Variants in VASP observed in about 807,000 individuals in gnomAD.
VASP encodes vasodilator stimulated phosphoprotein, also known as vasodilator-stimulated phosphoprotein.
In VASP, 27 loss-of-function variants were observed where a neutral mutation model predicts 54.4. That is an observed-to-expected ratio of 0.50 (90% CI 0.37 to 0.68). VASP has a LOEUF of 0.68. Ranked by LOEUF, VASP falls within the 30% of genes least tolerant of loss-of-function variation. VASP has a pLI of 0.00. For missense variants in VASP, 488 were observed against 528.3 expected (o/e 0.92, Z 0.75); for synonymous variants, 233 against 209.8 (o/e 1.11, Z -0.96).
At position 45,512,744 on chromosome 19, in the gene VASP, C is replaced by T. The variant is rs374779488; in HGVS notation, c.6-4919C>T. The stretch of plus-strand genomic sequence containing the variant: ...CCTCCCAAGTAGCTGGGATTACAGG[C>T]GCCCGCCACCACGCCTGGCTAATTT... On this transcript the variant is annotated intron_variant, in intron 1 of 12. Transcript: ENST00000245932. Among the ~76,000 whole-genome samples, 25 of 152,146 alleles carry T rather than the reference C, an allele frequency of 1.6e-4. No homozygotes were observed. In the East Asian group the frequency reaches 2.7e-3, roughly 16 times the overall value.
intron 1 of VASP, among the ~76,000 whole-genome samples, chr19:45,509,391 AC>A (rs58324993): frequency 1.5e-5 from 2 of 132,510 alleles, no homozygotes; most frequent in East Asian, 2.1e-4. Flanking sequence ...CCGCCCCTCC[AC>A]CCCCCCTCGC....
Position 45,517,741 on chromosome 19 carries a change from G to A in VASP, c.84G>A (p.Thr28=), listed in dbSNP as rs373932046. The A allele has an allele frequency of 5.4e-5, 87 of 1,613,246 alleles. No homozygotes were observed. The highest frequency in any genetic ancestry group is 2.3e-4 in the Admixed American group (14 of 59,994). Reference sequence around the variant, plus strand: ...ACAAGCGATGGCTCCCTGCTGGCACGGGTCCCCAGGCCTTCAGCCGCGTCC... The same window carrying A: ...ACAAGCGATGGCTCCCTGCTGGCACAGGTCCCCAGGCCTTCAGCCGCGTCC... ...DGNKRWLPAG[T]GPQAFSRVQI... Residue 28 remains threonine (T), a synonymous_variant, in exon 2 of 13, where the codon ACG becomes ACA. Coordinates refer to ENST00000245932, the MANE Select transcript of VASP (RefSeq NM_003370.4).
At chr19:45,520,502 A>C (rs1205172785) in intron 3 of VASP, among the ~76,000 whole-genome samples, 2 of 152,220 alleles carry the variant, frequency 1.3e-5, no homozygotes, top group East Asian at 3.8e-4. Flanking sequence ...ACACAGAAAA[A>C]TACAGTGGGC....
intron 1 of VASP, among the ~76,000 whole-genome samples, chr19:45,516,547 T>C (rs1240519561): frequency 6.6e-6 from 1 of 152,194 alleles, no homozygotes; most frequent in African/African-American, 2.4e-5. Context: ...GGCCTCCTTC[T>C]GGCCCCTCTG....
Position 45,517,684 on chromosome 19 carries a change from C to T in VASP, c.27C>T (p.Ser9=). The part of the protein sequence containing the change: MSETVICS[S]RATVMLYDDG... ...GCAGCGAGACGGTCATCTGTTCCAG[C>T]CGGGCCACTGTGATGCTTTATGATG... is the stretch of plus-strand genomic sequence containing the variant. The change falls in exon 2 of 13, where the codon AGC becomes AGT. Residue 9 remains serine (S), a synonymous_variant. Transcript: ENST00000245932. The T allele has an allele frequency of 6.2e-7, 1 of 1,610,346 alleles. No homozygotes were observed. The highest frequency in any genetic ancestry group is 8.5e-7 in the Non-Finnish European group (1 of 1,179,948).
chr19:45,517,595 TG>T, intron 1 of VASP, 67 bp from the exon 2 acceptor site: 1 of 1,554,816 alleles, frequency 6.4e-7, no homozygotes, highest in South Asian at 1.2e-5. Context: ...CTTTGTCCCT[TG>T]GAATCTCCCA....
Position 45,526,305 on chromosome 19 carries a change from C to A in VASP, c.*128C>A. On this transcript the variant is annotated 3_prime_UTR_variant, in exon 13 of 13. Coordinates refer to ENST00000245932, the MANE Select transcript of VASP (RefSeq NM_003370.4). ...GAATGCATCGTTCCCACTCCCCATC[C>A]CACTTGGAAAACTCCAAGGGGGTGT... The A allele has an allele frequency of 8.3e-7, 1 of 1,203,348 alleles. No homozygotes were observed. The highest frequency in any genetic ancestry group is 1.1e-6 in the Non-Finnish European group (1 of 891,072). The allele number at this position is 1,203,348 out of a possible 1,614,324, so 74.5% of individuals were successfully genotyped here.
chr19:45,525,604 A>C (rs1968943293), intron 11 of VASP, among the ~76,000 whole-genome samples: 1 of 152,158 alleles, frequency 6.6e-6, no homozygotes, highest in African/African-American at 2.4e-5. Flanking sequence ...CGGCTGAGGC[A>C]GGAGAATCGC....
Position 45,524,523 on chromosome 19 carries a change from C to T in VASP, c.957-47C>T, listed in dbSNP as rs777166512. ...TGGAATAGGAGGCGGGGAAGCAGGT[C>T]CTCTCTCTAATCTCATTGCTGTCCC... On this transcript the variant is annotated intron_variant, in intron 10 of 12. Transcript: ENST00000245932. 3.2e-6 allele frequency: 5 copies of T among 1,568,294 alleles called. No homozygotes were observed. The South Asian group carries it at 3.3e-5, about 10-fold the overall frequency.
At chr19:45,525,867 TC>T in intron 11 of VASP, 78 bp from the exon 12 acceptor site, 1 of 1,445,022 alleles carries the variant, frequency 6.9e-7, no homozygotes, top group Non-Finnish European at 9.5e-7. Context: ...AGGTTCCTTC[TC>T]AAAAAATAAA....
chr19:45,518,233 C>A, intron 3 of VASP, 139 bp downstream of exon 3: 1 of 1,281,408 alleles, frequency 7.8e-7, no homozygotes, highest in Non-Finnish European at 1.0e-6. Context: ...TTATCACTAG[C>A]ATTTTGTGCA....
chr19:45,508,410 C>A (rs994881461), intron 1 of VASP, among the ~76,000 whole-genome samples: 2 of 152,170 alleles, frequency 1.3e-5, no homozygotes, highest in African/African-American at 4.8e-5. Flanking sequence ...GGGACCCCCC[C>A]CTTCCCCGTC....
chr19:45,513,379 G>C (rs1968638085), intron 1 of VASP, among the ~76,000 whole-genome samples: 1 of 151,842 alleles, frequency 6.6e-6, no homozygotes, highest in African/African-American at 2.4e-5. Context: ...TGAGTAGCTG[G>C]GACTACAGGC....
At chr19:45,515,176 G>C (rs1217460959) in intron 1 of VASP, among the ~76,000 whole-genome samples, 2 of 152,172 alleles carry the variant, frequency 1.3e-5, no homozygotes, top group African/African-American at 4.8e-5. Flanking sequence ...CCCAGCATCA[G>C]TGTCACACCC....
chr19:45,518,603 A>G (rs902249023), intron 3 of VASP, among the ~76,000 whole-genome samples: 3 of 152,258 alleles, frequency 2.0e-5, no homozygotes, highest in African/African-American at 7.2e-5. Context: ...TTACTCAGGG[A>G]TCAGTACTCC....
rs1968972695 is a variant in VASP, at chr19:45,526,478, AAGG to A, written c.*305_*307del. 3.1e-6 allele frequency: 1 copy of A among 320,868 alleles called. No homozygotes were observed. The highest frequency in any genetic ancestry group is 5.7e-6 in the Non-Finnish European group (1 of 176,184). 19.9% of individuals were successfully genotyped at this position (320,868 alleles called of 1,614,324 possible). A position where few individuals can be genotyped will look rare whatever the true frequency, so the allele number is the denominator to read the frequency against. On this transcript the variant is annotated 3_prime_UTR_variant, in exon 13 of 13. Coordinates refer to ENST00000245932, the MANE Select transcript of VASP (RefSeq NM_003370.4). ...ATGAACCCCACAGGAAGGGGGAAGG[AAGG>A]AGGGAATTTCACATTCCCTTGTTCT... is the stretch of plus-strand genomic sequence containing the variant.
In VASP at chr19:45,507,544, A is replaced by G. The variant is rs894505823; in HGVS notation, c.-228A>G. The G allele has an allele frequency of 7.7e-6, 4 of 521,244 alleles. No individual in the cohort carries two copies. The highest frequency in any genetic ancestry group is 1.3e-5 in the Non-Finnish European group (4 of 297,538). 32.3% of individuals were successfully genotyped at this position (521,244 alleles called of 1,614,324 possible). A position where few individuals can be genotyped will look rare whatever the true frequency, so the allele number is the denominator to read the frequency against. ...GTGCGCGCTGGGGAGCGGACGCTGC[A>G]TCCCCTTTCTGCTGCAGGAACCTCT... On this transcript the variant is annotated 5_prime_UTR_variant, in exon 1 of 13. Transcript: ENST00000245932. This position sits in a 1 kb window ranked among gnomAD's most constrained non-coding sequence, Gnocchi z 4.4.
At chr19:45,518,930 C>G (rs9749165) in intron 3 of VASP, among the ~76,000 whole-genome samples, 12,519 of 152,244 alleles carry the variant, frequency 0.082, 575 homozygotes, top group South Asian at 0.14. Flanking sequence ...CTCCCGGGTT[C>G]GCGTGATTCT....
In VASP at chr19:45,522,475, C is replaced by A; in HGVS notation, c.614C>A (p.Pro205His). 1 of 1,473,838 alleles carries A rather than the reference C, an allele frequency of 6.8e-7. No individual in the cohort carries two copies. Among genetic ancestry groups the A allele is most frequent in the Non-Finnish European group, 9.0e-7 (1 of 1,115,052 alleles). 91.3% of individuals were successfully genotyped at this position (1,473,838 alleles called of 1,614,324 possible). Residue 205 changes from proline to histidine, a missense_variant, in exon 6 of 13, where the codon CCC becomes CAC. Transcript: ENST00000245932. ...GCGCACGGAGCAGGGGGAGGACCAC[C>A]CCCTGCACCCCCTCTCCCGGCAGCA... is the stretch of plus-strand genomic sequence containing the variant. ...AAAHGAGGGP[P>H]PAPPLPAAQG...
Sources: allele counts gnomAD v4.1 joint callset (sites outside exome capture counted in the v4.1 genomes callset), GRCh38; gene constraint gnomAD v4.1.1; non-coding constraint Gnocchi (gnomAD v3.1); transcripts MANE v1.5; gene names NCBI Gene and HGNC (gene_info 2026-07-23, HGNC 2026-07-21).